Variants in TLE3 observed in about 807,000 individuals in gnomAD.
TLE3 encodes the protein transducin-like enhancer protein 3.
In TLE3, 14 loss-of-function variants were observed where a neutral mutation model predicts 93.0. The observed-to-expected ratio is 0.15, with a 90% CI of 0.10 to 0.24. TLE3 has a LOEUF of 0.24. Among genes scored for constraint, TLE3 ranks in the 10% least tolerant of loss-of-function variants. The probability of loss-of-function intolerance (pLI) is 1.00; values close to 1 mark genes in which losing one functional copy is unlikely to be tolerated. For missense variants in TLE3, 693 were observed against 1,046.6 expected (o/e 0.66, Z 4.66); for synonymous variants, 451 against 425.0 (o/e 1.06, Z -0.75).
Position 70,050,123 on chromosome 15 carries a change from CCTT to C in TLE3, c.2281_2283del (p.Lys761del), listed in dbSNP as rs2055385190. ...TAGTAGATGACCTCATAAACTGTGG[CCTT>C]CTTGTCACCAGAGCCTGTTACAATG... On this transcript the variant is annotated inframe_deletion, in exon 20 of 20. Coordinates refer to ENST00000451782, the MANE Select transcript of TLE3 (RefSeq NM_001105192.3). 6.2e-7 allele frequency: 1 copy of C among 1,613,968 alleles called. No homozygotes were observed. The highest frequency in any genetic ancestry group is 8.5e-7 in the Non-Finnish European group (1 of 1,179,944).
Position 70,066,033 on chromosome 15 carries a change from G to C in TLE3, c.558C>G (p.His186Gln). 1 of 1,612,348 alleles carries C rather than the reference G, an allele frequency of 6.2e-7. No individual in the cohort carries two copies. Reference sequence around the variant, plus strand: ...CCGCACCTCTGTGATCGAGTTCATGGTGGTTCTTCTCATCCTTCACCGTCA... The same window carrying C: ...CCGCACCTCTGTGATCGAGTTCATGCTGGTTCTTCTCATCCTTCACCGTCA... ...AHLTVKDEKN[H>Q]HELDHRERES... Residue 186 changes from histidine (H) to glutamine (Q), a missense_variant, in exon 7 of 20, where the codon CAC becomes CAG. This residue lies in a region of TLE3 where 405 missense variants were observed against 468.9 expected (regional missense o/e 0.86). Coordinates refer to ENST00000451782, the MANE Select transcript of TLE3 (RefSeq NM_001105192.3).
intron 15 of TLE3, 127 bp downstream of exon 15, chr15:70,054,922 G>T (rs1044451400): frequency 1.4e-6 from 2 of 1,385,066 alleles, no homozygotes; most frequent in Non-Finnish European, 1.9e-6. Context: ...AGAGAGGTTA[G>T]TCAGCTTGCC....
Position 70,058,730 on chromosome 15 carries a change from G to A in TLE3, c.851C>T (p.Pro284Leu). 1 of 1,610,624 alleles carries A rather than the reference G, an allele frequency of 6.2e-7. No homozygotes were observed. Among genetic ancestry groups the A allele is most frequent in the South Asian group, 1.1e-5 (1 of 90,200 alleles). Residue 284 changes from proline to leucine, a missense_variant, in exon 11 of 20, where the codon CCC becomes CTC. By Grantham distance (98) the Pro-to-Leu change is moderately conservative. This residue lies in a region of TLE3 where 405 missense variants were observed against 468.9 expected (regional missense o/e 0.86). Coordinates refer to ENST00000451782, the MANE Select transcript of TLE3 (RefSeq NM_001105192.3). The surrounding 1 kb of genome is among the most constrained non-coding windows in gnomAD (Gnocchi z 4.1). ...DKARSLKKDA[P>L]TSPASVASSS... ...AGAGGCCACCGAGGCAGGGCTGGTG[G>A]GGGCATCTTTTTTCAGGCTACGGGC...
At chr15:70,070,664 A>G (rs2057096918) in intron 6 of TLE3, among the ~76,000 whole-genome samples, 1 of 152,160 alleles carries the variant, frequency 6.6e-6, no homozygotes, top group Admixed American at 6.5e-5. Context: ...GAGATGGTGA[A>G]CAGGCTCGGG....
intron 18 of TLE3, 102 bp from the exon 19 acceptor site, chr15:70,051,569 C>A (rs1442442759): frequency 3.3e-6 from 3 of 917,880 alleles, no homozygotes; most frequent in Non-Finnish European, 4.8e-6. Flanking sequence ...GCAGTGAGAA[C>A]TGCTAACTAG....
intron 13 of TLE3, among the ~76,000 whole-genome samples, chr15:70,056,883 T>C (rs980690384): frequency 3.3e-5 from 5 of 152,072 alleles, no homozygotes; most frequent in African/African-American, 1.2e-4. Context: ...TGCCTTCACC[T>C]CCCGAATAGC....
intron 2 of TLE3, 196 bp from the exon 3 acceptor site, chr15:70,095,837 TTC>T: frequency 1.5e-6 from 1 of 669,472 alleles, no homozygotes; most frequent in Non-Finnish European, 2.5e-6. Flanking sequence ...AATTCGAAAC[TTC>T]CCGCGAGCCA....
intron 7 of TLE3, 22 bp downstream of exon 7, chr15:70,065,992 C>CCCA: frequency 3.1e-6 from 5 of 1,593,640 alleles, no homozygotes; most frequent in Non-Finnish European, 3.4e-6. Flanking sequence ...CCGCCCCACC[C>CCCA]TCTGCCCCAG....
intron 18 of TLE3, 101 bp from the exon 19 acceptor site, chr15:70,051,568 A>C (rs922938648): frequency 2.0e-5 from 19 of 938,586 alleles, no homozygotes; most frequent in Admixed American, 5.3e-5. Flanking sequence ...AGCAGTGAGA[A>C]CTGCTAACTA....
chr15:70,096,873 A>G lies in TLE3; in HGVS notation c.-75T>C. 1.3e-6 allele frequency: 2 copies of G among 1,543,242 alleles called. No homozygotes were observed. The highest frequency in any genetic ancestry group is 8.8e-7 in the Non-Finnish European group (1 of 1,137,824). ...GCCGGGGAGGTGCGGGGGAGGGGGG[A>G]GCCGAGCCCGAGCGGGGGGCGGCCG... is the stretch of plus-strand genomic sequence containing the variant. On this transcript the variant is annotated 5_prime_UTR_variant, in exon 1 of 20. Transcript: ENST00000451782.
intron 4 of TLE3, among the ~76,000 whole-genome samples, chr15:70,084,518 G>A (rs1410477197): frequency 6.6e-6 from 1 of 152,208 alleles, no homozygotes; most frequent in African/African-American, 2.4e-5. Flanking sequence ...TGGAACTGAT[G>A]CCTGTAGTAT....
intron 4 of TLE3, among the ~76,000 whole-genome samples, chr15:70,086,635 C>T (rs142241774): frequency 1.3e-5 from 2 of 152,168 alleles, no homozygotes; most frequent in African/African-American, 4.8e-5. Flanking sequence ...AAACTTCTAT[C>T]GGCCTGCGGT....
chr15:70,068,209 CG>C (rs2056939416), intron 6 of TLE3, among the ~76,000 whole-genome samples: 1 of 152,234 alleles, frequency 6.6e-6, no homozygotes. Context: ...ATCCTACCCT[CG>C]GAAGATTCTA....
At chr15:70,057,371 CCCTTTAGCATGTG>C in intron 13 of TLE3, 75 bp downstream of exon 13, 1 of 1,449,854 alleles carries the variant, frequency 6.9e-7, no homozygotes. Flanking sequence ...CCTGAGGGGC[CCCTTTAGCATGTG>C]GGGAGCACCC....
intron 4 of TLE3, chr15:70,079,535 G>C (rs75165322): frequency 0.032 from 13,240 of 410,288 alleles, 793 homozygotes; most frequent in East Asian, 0.24. Flanking sequence ...ACCCTCTTGG[G>C]GTCTCCCCAC....
chr15:70,049,947 G>A lies in TLE3; in HGVS notation c.*150C>T, dbSNP rs555227476. On this transcript the variant is annotated 3_prime_UTR_variant, in exon 20 of 20. Coordinates refer to ENST00000451782, the MANE Select transcript of TLE3 (RefSeq NM_001105192.3). The stretch of plus-strand genomic sequence containing the variant: ...AGGAGTCCAGACTGTGACGGGGCAC[G>A]TGCCCTCTCAGCCGGCCGGAGCGCA... The A allele has an allele frequency of 1.2e-4, 77 of 631,170 alleles. No individual in the cohort carries two copies. In the East Asian group the frequency reaches 1.4e-3, roughly 12 times the overall value. The allele number at this position is 631,170 out of a possible 1,614,324, so 39.1% of individuals were successfully genotyped here.
At chr15:70,059,127 G>C (rs555032191) in intron 10 of TLE3, among the ~76,000 whole-genome samples, 1 of 152,252 alleles carries the variant, frequency 6.6e-6, no homozygotes, top group South Asian at 2.1e-4. Flanking sequence ...TGGGGGGACG[G>C]AGGATCACGG....
At chr15:70,096,512 G>A in intron 1 of TLE3, 4 of 1,235,430 alleles carry the variant, frequency 3.2e-6, no homozygotes, top group South Asian at 1.4e-5. Context: ...GAGACAAGCC[G>A]GGTGAGTTGG....
intron 8 of TLE3, 61 bp downstream of exon 8, chr15:70,064,393 C>T (rs1251180732): frequency 3.1e-6 from 5 of 1,604,858 alleles, no homozygotes; most frequent in South Asian, 2.2e-5. Flanking sequence ...CTGGGAGCCC[C>T]GAGTCCCACC....
Sources: gnomAD v4.1 joint callset for allele counts (sites outside exome capture counted in the v4.1 genomes callset) on GRCh38, gnomAD v4.1.1 for gene constraint, gnomAD v4.1.1 regional missense constraint, Gnocchi (gnomAD v3.1) non-coding constraint, MANE v1.5 for transcripts, NCBI Gene and HGNC (gene_info 2026-07-23, HGNC 2026-07-21) for gene names.